The following SLC44A1 variants were observed in gnomAD, a reference collection of about 807,000 sequenced individuals.
The protein encoded by SLC44A1 is solute carrier family 44 member 1.
A neutral mutation model predicts 79.3 loss-of-function variants in SLC44A1; 26 were observed. The observed-to-expected ratio is 0.33, with a 90% CI of 0.24 to 0.46. SLC44A1 has a LOEUF of 0.46. SLC44A1 is among the 20% of genes least tolerant of loss of function. The probability of loss-of-function intolerance (pLI) is 1.00; values close to 1 mark genes in which losing one functional copy is unlikely to be tolerated. For missense variants in SLC44A1, 688 were observed against 798.1 expected (o/e 0.86, Z 1.66); for synonymous variants, 263 against 286.2 (o/e 0.92, Z 0.82).
intron 3 of SLC44A1, among the ~76,000 whole-genome samples, chr9:105,330,556 A>G (rs1409155662): frequency 1.3e-5 from 2 of 152,198 alleles, no homozygotes; most frequent in African/African-American, 4.8e-5. Context: ...GTGCAGCTTT[A>G]AAAGTCACTT....
intron 15 of SLC44A1, among the ~76,000 whole-genome samples, chr9:105,415,813 A>C (rs1478316119): frequency 6.6e-6 from 1 of 151,854 alleles, no homozygotes; most frequent in African/African-American, 2.4e-5. Flanking sequence ...ATTATCTTAC[A>C]TGTTTCTTAG....
intron 7 of SLC44A1, 94 bp from the exon 8 acceptor site, chr9:105,361,097 A>G (rs187722453): frequency 9.8e-6 from 12 of 1,224,866 alleles, no homozygotes; most frequent in Non-Finnish European, 1.4e-5. Context: ...TAGTCCCATG[A>G]TGATCTGTAG....
intron 15 of SLC44A1, among the ~76,000 whole-genome samples, chr9:105,425,516 T>G (rs1208959214): frequency 6.6e-6 from 1 of 152,086 alleles, no homozygotes; most frequent in Non-Finnish European, 1.5e-5. Flanking sequence ...AAGAACATTC[T>G]AGGCAGAGAG....
chr9:105,327,747 C>G (rs1434225889), intron 3 of SLC44A1, among the ~76,000 whole-genome samples: 1 of 152,170 alleles, frequency 6.6e-6, no homozygotes, highest in East Asian at 1.9e-4. Flanking sequence ...CTTACTCATT[C>G]TTTAGGTCCC....
At position 105,309,845 on chromosome 9, in the gene SLC44A1, G is replaced by T. The variant is rs974342288; in HGVS notation, c.248G>T (p.Gly83Val). The T allele has an allele frequency of 3.1e-6, 5 of 1,613,598 alleles. No homozygotes were observed. The highest frequency in any genetic ancestry group is 1.3e-5 in the African/African-American group (1 of 74,908). ...AAGTTGGAAGCAATACCAAACAGTG[G>T]CATGGACCACACCCAGCGGAAGTGA... ...NTKLEAIPNS[G>V]MDHTQRKYVF... Residue 83 changes from glycine (G) to valine (V), a missense_variant, in exon 3 of 16, where the codon GGC becomes GTC. Physicochemically the swap from Gly to Val is moderately radical, Grantham distance 109 (BLOSUM62 -3). Transcript: ENST00000374720.
intron 15 of SLC44A1, among the ~76,000 whole-genome samples, chr9:105,421,789 G>C (rs917200763): frequency 6.6e-6 from 1 of 151,866 alleles, no homozygotes; most frequent in Non-Finnish European, 1.5e-5. Context: ...GGGTTTCACC[G>C]TGTTAGCCAG....
intron 1 of SLC44A1, among the ~76,000 whole-genome samples, chr9:105,269,200 A>G (rs893465546): frequency 1.3e-5 from 2 of 152,216 alleles, no homozygotes; most frequent in African/African-American, 2.4e-5. Context: ...GGCATTCACT[A>G]TAGGGTGGCC....
At chr9:105,412,696 G>A (rs1352561672) in intron 15 of SLC44A1, among the ~76,000 whole-genome samples, 2 of 152,048 alleles carry the variant, frequency 1.3e-5, no homozygotes, top group Non-Finnish European at 2.9e-5. Flanking sequence ...CCGCCCCCTG[G>A]GTTCTAGCGA....
intron 3 of SLC44A1, among the ~76,000 whole-genome samples, chr9:105,325,710 G>T (rs1181852702): frequency 6.6e-6 from 1 of 152,162 alleles, no homozygotes; most frequent in Non-Finnish European, 1.5e-5. Flanking sequence ...CCACACTGGG[G>T]ATTAAATTTC....
At chr9:105,317,494 G>T (rs549752332) in intron 3 of SLC44A1, among the ~76,000 whole-genome samples, 1 of 152,230 alleles carries the variant, frequency 6.6e-6, no homozygotes, top group South Asian at 2.1e-4. Flanking sequence ...GCTGTGGAAG[G>T]ATGGTACACA....
chr9:105,297,618 G>A (rs1830760233), intron 1 of SLC44A1, among the ~76,000 whole-genome samples: 1 of 152,162 alleles, frequency 6.6e-6, no homozygotes, highest in Non-Finnish European at 1.5e-5. Context: ...CCCGACCTCA[G>A]GTGATCGCCC....
intron 5 of SLC44A1, among the ~76,000 whole-genome samples, chr9:105,354,942 T>C (rs1014675268): frequency 5.3e-5 from 8 of 152,220 alleles, no homozygotes; most frequent in African/African-American, 1.9e-4. Context: ...TTTTATCCAC[T>C]CATTGGACCA....
chr9:105,290,580 C>T (rs1037341232), intron 1 of SLC44A1, among the ~76,000 whole-genome samples: 1 of 152,202 alleles, frequency 6.6e-6, no homozygotes, highest in Admixed American at 6.5e-5. Context: ...AACTTGGCCT[C>T]TGCCCAGTAA....
At chr9:105,397,787 A>T (rs1828903786), downstream of SLC44A1, among the ~76,000 whole-genome samples, 1 of 152,098 alleles carries the variant, frequency 6.6e-6, no homozygotes, top group Admixed American at 6.6e-5. Flanking sequence ...TACTAAAAAA[A>T]ATACAAAAAA....
intron 1 of SLC44A1, among the ~76,000 whole-genome samples, chr9:105,269,835 G>T (rs375870378): frequency 6.4e-4 from 98 of 152,292 alleles, no homozygotes; most frequent in African/African-American, 2.4e-3. Flanking sequence ...GACCACCAGG[G>T]TGTGAACTCT....
chr9:105,316,735 C>T (rs1484644923), intron 3 of SLC44A1, among the ~76,000 whole-genome samples: 4 of 152,146 alleles, frequency 2.6e-5, no homozygotes, highest in African/African-American at 9.7e-5. Flanking sequence ...ACTCCACTTT[C>T]CTGAGTTCCT....
At chr9:105,438,130 CTGTGTGTGTG>C (rs147203232) in intron 15 of SLC44A1, 6 of 496,098 alleles carry the variant, frequency 1.2e-5, no homozygotes, top group African/African-American at 8.0e-5. Context: ...ATTTGTTAAT[CTGTGTGTGTG>C]TGTGTGTGTG....
rs199669308 is a variant in SLC44A1 at position 105,313,426 on chromosome 9, ACAGAGTCTCT to A, written c.269+3563_269+3572del. Among the ~76,000 whole-genome samples the A allele has an allele frequency of 8.7e-3, 1,331 of 152,302 alleles. 5 individuals carry two copies. The highest frequency in any genetic ancestry group is 0.021 in the South Asian group (99 of 4,828). On this transcript the variant is annotated intron_variant, in intron 3 of 15. Coordinates refer to ENST00000374720, the MANE Select transcript of SLC44A1 (RefSeq NM_080546.5). ...ATGTGGCTTACCTGGGTCTTCAGCC[ACAGAGTCTCT>A]CATAAGGCTGCACTTAAATTGTTGG...
intron 1 of SLC44A1, among the ~76,000 whole-genome samples, chr9:105,278,601 G>C (rs111877278): frequency 6.6e-6 from 1 of 151,836 alleles, no homozygotes; most frequent in Non-Finnish European, 1.5e-5. Flanking sequence ...GGCTGGTCTC[G>C]AACTCCTGAC....
Sources: gnomAD v4.1 joint callset for allele counts (sites outside exome capture counted in the v4.1 genomes callset) on GRCh38, gnomAD v4.1.1 for gene constraint, MANE v1.5 for transcripts, NCBI Gene and HGNC (gene_info 2026-07-23, HGNC 2026-07-21) for gene names.